The following KIF19 variants were observed in gnomAD, a reference collection of about 807,000 sequenced individuals.
KIF19 encodes kinesin family member 19.
Under a neutral mutation model 106.6 loss-of-function variants are expected in KIF19, and 98 were observed. That is an observed-to-expected ratio of 0.92 (90% CI 0.78 to 1.09). KIF19 has a LOEUF of 1.09. KIF19 is among the 50% of genes least tolerant of loss of function. The pLI is 0.00. For missense variants in KIF19, 1,373 were observed against 1,414.3 expected (o/e 0.97, Z 0.47); for synonymous variants, 516 against 584.2 (o/e 0.88, Z 1.68).
chr17:74,334,652 C>T (rs1377786188), intron 2 of KIF19, among the ~76,000 whole-genome samples: 5 of 152,188 alleles, frequency 3.3e-5, no homozygotes, highest in Non-Finnish European at 5.9e-5. Flanking sequence ...GGACACCCTT[C>T]CTGGGATCAA....
At chr17:74,354,752 C>T (rs977027655) in intron 18 of KIF19, 30 bp from the exon 19 acceptor site, 18 of 1,545,052 alleles carry the variant, frequency 1.2e-5, no homozygotes, top group Admixed American at 2.0e-5. Flanking sequence ...GTGCCGCTCT[C>T]GGCCTCACCC....
intron 2 of KIF19, 127 bp from the exon 3 acceptor site, chr17:74,341,749 G>C: frequency 1.4e-6 from 1 of 697,952 alleles, no homozygotes. Context: ...GCTAGATTCA[G>C]AGCCCAGAAG....
At chr17:74,341,843 G>A (rs754016606) in intron 2 of KIF19, 33 bp from the exon 3 acceptor site, 8 of 1,518,828 alleles carry the variant, frequency 5.3e-6, no homozygotes, top group Non-Finnish European at 6.4e-6. Flanking sequence ...GGGTTCCCAG[G>A]TGACCGTGGG....
intron 8 of KIF19, among the ~76,000 whole-genome samples, chr17:74,347,517 A>G (rs2054568937): frequency 6.6e-6 from 1 of 150,434 alleles, no homozygotes. Flanking sequence ...AGCCTGGATG[A>G]CAGATCGAGA....
At chr17:74,349,687 A>T (rs1408367723) in intron 10 of KIF19, among the ~76,000 whole-genome samples, 4 of 152,230 alleles carry the variant, frequency 2.6e-5, no homozygotes, top group Non-Finnish European at 5.9e-5. Context: ...CACCCCCGGA[A>T]TGGGCTCCGT....
At position 74,344,956 on chromosome 17, in the gene KIF19, G is replaced by A; in HGVS notation, c.777+1G>A. 1 of 1,598,124 alleles carries A rather than the reference G, an allele frequency of 6.3e-7. No individual in the cohort carries two copies. Among genetic ancestry groups the A allele is most frequent in the East Asian group, 2.2e-5 (1 of 44,496 alleles). ...GGCTGGCTCAGAGCGCGCCTCGCAG[G>A]TGAGGCTGGGACCTGGGCTGGGCAG... is the stretch of plus-strand genomic sequence containing the variant. On this transcript the variant is annotated splice_donor_variant, in intron 7 of 19. Transcript: ENST00000389916. LOFTEE classifies it high-confidence loss of function.
intron 12 of KIF19, 124 bp from the exon 13 acceptor site, chr17:74,351,743 T>G: frequency 1.8e-6 from 2 of 1,108,078 alleles, no homozygotes; most frequent in Non-Finnish European, 2.4e-6. Flanking sequence ...GCTTTTAGGG[T>G]TGGCCTCAGG....
At position 74,354,923 on chromosome 17, in the gene KIF19, C is replaced by T; in HGVS notation, c.2848C>T (p.Pro950Ser). The T allele has an allele frequency of 1.3e-6, 2 of 1,578,916 alleles. No homozygotes were observed. The highest frequency in any genetic ancestry group is 2.3e-5 in the South Asian group (2 of 85,996). ...VTLPLAKVKLPPSQNTGPGDS... is the reference protein window; with the variant it reads ...VTLPLAKVKLSPSQNTGPGDS... ...GCTACCTTTGGCCAAAGTCAAACTCCCTCCAAGCCAGAACACGGGTCAGTA... is the reference window on the plus strand; with the variant it reads ...GCTACCTTTGGCCAAAGTCAAACTCTCTCCAAGCCAGAACACGGGTCAGTA... Residue 950 changes from proline (P) to serine (S), a missense_variant, in exon 19 of 20, where the codon CCT (proline) becomes TCT (serine). Transcript: ENST00000389916.
chr17:74,345,996 C>T lies in KIF19; in HGVS notation c.778-382C>T, dbSNP rs543917055. On this transcript the variant is annotated intron_variant, in intron 7 of 19. Transcript: ENST00000389916. Reference sequence around the variant, plus strand: ...TGCCCTCCACCACCATGCACATGTGCACGCACTTTCCTCCTTGCTCCCTGG... The same window carrying T: ...TGCCCTCCACCACCATGCACATGTGTACGCACTTTCCTCCTTGCTCCCTGG... Among the ~76,000 whole-genome samples the T allele has an allele frequency of 3.3e-5, 5 of 152,360 alleles. No individual in the cohort carries two copies. The East Asian group carries it at 9.7e-4, about 29-fold the overall frequency.
rs747223220 is a variant in KIF19, at chr17:74,352,123, G to A, written c.1844G>A (p.Arg615Gln). The change falls in exon 13 of 20, where the codon CGG becomes CAG. Residue 615 changes from arginine (R) to glutamine (Q), a missense_variant. Arg to Gln is a conservative substitution (Grantham distance 43, BLOSUM62 1). Coordinates refer to ENST00000389916, the MANE Select transcript of KIF19 (RefSeq NM_153209.4). ...TGCGACGAGATTATCCAGGGCCAGC[G>A]GCAGATCATCGACGGTAGGGCCCAC... is the stretch of plus-strand genomic sequence containing the variant. ...SLCDEIIQGQ[R>Q]QIIDDYNLAV... The A allele has an allele frequency of 7.6e-6, 12 of 1,582,768 alleles. No homozygotes were observed. In the Middle Eastern group the frequency reaches 5.0e-4, roughly 67 times the overall value.
At position 74,352,083 on chromosome 17, in the gene KIF19, C is replaced by A; in HGVS notation, c.1804C>A (p.Gln602Lys). The A allele has an allele frequency of 6.3e-7, 1 of 1,590,442 alleles. No homozygotes were observed. The highest frequency in any genetic ancestry group is 1.1e-5 in the South Asian group (1 of 89,280). Residue 602 changes from glutamine (Q) to lysine (K), a missense_variant, in exon 13 of 20, where the codon CAG (glutamine) becomes AAG (lysine). Transcript: ENST00000389916. The part of the protein sequence containing the change: ...HRHEAVRRLE[Q>K]HRSLCDEIIQ... ...CCACGAGGCCGTGCGCCGCCTGGAG[C>A]AGCACCGCAGTCTCTGCGACGAGAT...
At chr17:74,347,676 GAC>G (rs2054575196) in intron 8 of KIF19, 99 bp from the exon 9 acceptor site, 1 of 1,395,620 alleles carries the variant, frequency 7.2e-7, no homozygotes, top group Admixed American at 2.0e-5. Flanking sequence ...AGTGTAAAGA[GAC>G]AGAGAGATTG....
Position 74,330,387 on chromosome 17 carries a change from G to GT in KIF19, c.120+1885dup, listed in dbSNP as rs1168077237. 2.0e-5 allele frequency among the ~76,000 whole-genome samples: 3 copies of GT among 152,222 alleles called. No individual in the cohort carries two copies. In the South Asian group the frequency reaches 6.2e-4, roughly 32 times the overall value. On this transcript the variant is annotated intron_variant, in intron 2 of 19. Transcript: ENST00000389916. ...ACCCAGTCCTTGGCACATAGGAAGA[G>GT]TTTCATAGATGTCAGTTATCAACGT...
intron 12 of KIF19, 47 bp downstream of exon 12, chr17:74,350,952 G>A (rs1458712052): frequency 6.2e-7 from 1 of 1,602,508 alleles, no homozygotes; most frequent in Admixed American, 1.7e-5. Flanking sequence ...AGGGGACAGG[G>A]TGAGCAGGTT....
At chr17:74,353,463 G>A in intron 16 of KIF19, 31 bp from the exon 17 acceptor site, 1 of 1,602,906 alleles carries the variant, frequency 6.2e-7, no homozygotes, top group Non-Finnish European at 8.5e-7. Flanking sequence ...GTGTTTAAGG[G>A]TTTCCTCCTC....
At chr17:74,336,030 A>C (rs1291457129) in intron 2 of KIF19, among the ~76,000 whole-genome samples, 1 of 152,192 alleles carries the variant, frequency 6.6e-6, no homozygotes, top group East Asian at 1.9e-4. Context: ...ACATGGCAGC[A>C]GGGAAGGGTT....
chr17:74,355,163 G>GC lies in KIF19; in HGVS notation c.2867-15dup, dbSNP rs1567927284. 1.9e-6 allele frequency: 3 copies of GC among 1,579,658 alleles called. No individual in the cohort carries two copies. The highest frequency in any genetic ancestry group is 1.7e-6 in the Non-Finnish European group (2 of 1,160,378). ...GAGGCATTCCGAAACCACTGATCCT[G>GC]CCCCTTTCCCTGTTGCAGGCCCGGG... On this transcript the variant is annotated intron_variant, in intron 19 of 19. Coordinates refer to ENST00000389916, the MANE Select transcript of KIF19 (RefSeq NM_153209.4).
chr17:74,338,001 G>C (rs548330099), intron 2 of KIF19, among the ~76,000 whole-genome samples: 1 of 152,396 alleles, frequency 6.6e-6, no homozygotes, highest in African/African-American at 2.4e-5. Context: ...CGTGGCAGCT[G>C]TGCTGACAGT....
chr17:74,328,074 C>T lies in KIF19; in HGVS notation c.40-351C>T, dbSNP rs116569552. 5.0e-3 allele frequency among the ~76,000 whole-genome samples: 755 copies of T among 152,312 alleles called. 8 individuals carry two copies. The highest frequency in any genetic ancestry group is 0.017 in the African/African-American group (711 of 41,564). On this transcript the variant is annotated intron_variant, in intron 1 of 19. Transcript: ENST00000389916. ...CGTGCCTGCACCTTCCTCTGCAGCACGTCATTCGCGGAAACACAGAGAGGC... is the reference window on the plus strand; with the variant it reads ...CGTGCCTGCACCTTCCTCTGCAGCATGTCATTCGCGGAAACACAGAGAGGC...
Sources: allele counts gnomAD v4.1 joint callset (sites outside exome capture counted in the v4.1 genomes callset), GRCh38; gene constraint gnomAD v4.1.1; transcripts MANE v1.5; gene names NCBI Gene and HGNC (gene_info 2026-07-23, HGNC 2026-07-21).